The following PHKG2 variants were observed in gnomAD, a reference collection of about 807,000 sequenced individuals.
PHKG2 encodes the protein phosphorylase b kinase gamma catalytic chain, liver/testis isoform.
Under a neutral mutation model 44.5 loss-of-function variants are expected in PHKG2, and 28 were observed. The ratio of observed to expected loss-of-function variants is 0.63; its 90% confidence interval spans 0.47 to 0.86. The LOEUF is 0.86. Ranked by LOEUF, PHKG2 falls within the 40% of genes least tolerant of loss-of-function variation. The probability of loss-of-function intolerance (pLI) is 0.00; values close to 1 mark genes in which losing one functional copy is unlikely to be tolerated. For missense variants in PHKG2, 498 were observed against 547.5 expected (o/e 0.91, Z 0.90); for synonymous variants, 220 against 211.2 (o/e 1.04, Z -0.36).
Position 30,754,807 on chromosome 16 carries a change from T to C in PHKG2, c.556+1250T>C, listed in dbSNP as rs563322171. The C allele has an allele frequency of 1.1e-4, 51 of 452,786 alleles. 1 individual carries two copies. Among genetic ancestry groups the C allele is most frequent in the South Asian group, 7.8e-4 (50 of 64,442 alleles). The allele number at this position is 452,786 out of a possible 1,614,324, so 28.0% of individuals were successfully genotyped here. ...TCCAGGGCAGCTTAGGTCCCCTTGC[T>C]TTCTGTTCTCCCATCTTCTTCATTC... On this transcript the variant is annotated intron_variant, in intron 6 of 9. Transcript: ENST00000563588.
Position 30,757,654 on chromosome 16 carries a change from C to T in PHKG2, c.*557C>T, listed in dbSNP as rs1596692107. 6.2e-7 allele frequency: 1 copy of T among 1,609,054 alleles called. No individual in the cohort carries two copies. The highest frequency in any genetic ancestry group is 8.5e-7 in the Non-Finnish European group (1 of 1,176,646). On this transcript the variant is annotated 3_prime_UTR_variant, in exon 10 of 10. Transcript: ENST00000563588. The stretch of plus-strand genomic sequence containing the variant: ...GTAGGCTCGGAGGACGTGGATGTGG[C>T]CTGCAGGGGCAGGGAAGAAGGGGCA...
rs141832212 is a variant in PHKG2, at chr16:30,756,625, C to A, written c.837C>A (p.Arg279=). The change falls in exon 9 of 10, where the codon CGC becomes CGA. Residue 279 remains arginine (R), a synonymous_variant. Transcript: ENST00000563588. ...SRLLQVDPEA[R]LTAEQALQHP... is the part of the protein sequence containing the mutation. ...TGCTGCAGGTGGATCCTGAGGCACGCCTGACAGCTGAGCAGGCCCTACAGC... is the reference window on the plus strand; with the variant it reads ...TGCTGCAGGTGGATCCTGAGGCACGACTGACAGCTGAGCAGGCCCTACAGC... 1.9e-6 allele frequency: 3 copies of A among 1,614,030 alleles called. No homozygotes were observed. Among genetic ancestry groups the A allele is most frequent in the Middle Eastern group, 1.6e-4 (1 of 6,062 alleles).
At chr16:30,751,500 T>C in intron 3 of PHKG2, 49 bp from the exon 4 acceptor site, 2 of 1,534,832 alleles carry the variant, frequency 1.3e-6, no homozygotes, top group Non-Finnish European at 1.8e-6. Flanking sequence ...TTAATGTGCA[T>C]CCACTCCTTT....
chr16:30,755,202 A>G (rs1313821251), intron 6 of PHKG2: 1 of 249,666 alleles, frequency 4.0e-6, no homozygotes, highest in African/African-American at 2.2e-5. Context: ...TGATAGTGCC[A>G]CCACACTCCA....
At position 30,760,373 on chromosome 16, in the gene PHKG2, G is replaced by C; in HGVS notation, c.*3276G>C. 1.2e-6 allele frequency: 2 copies of C among 1,614,220 alleles called. No homozygotes were observed. The highest frequency in any genetic ancestry group is 2.2e-5 in the South Asian group (2 of 91,088). On this transcript the variant is annotated 3_prime_UTR_variant, in exon 10 of 10. Transcript: ENST00000563588. ...GCCCTGCTGGCGGCAGAAAATGAGCGCGTGGCAGAAGAGGTCCAGGGTGAT... is the reference window on the plus strand; with the variant it reads ...GCCCTGCTGGCGGCAGAAAATGAGCCCGTGGCAGAAGAGGTCCAGGGTGAT...
chr16:30,754,387 A>G (rs372576142), intron 6 of PHKG2, among the ~76,000 whole-genome samples: 2 of 152,178 alleles, frequency 1.3e-5, no homozygotes, highest in East Asian at 3.9e-4. Context: ...GCTGGTCTTG[A>G]ACTCCTGACC....
chr16:30,751,655 T>C (rs751425093), intron 4 of PHKG2, 52 bp downstream of exon 4: 5 of 1,433,148 alleles, frequency 3.5e-6, no homozygotes, highest in Admixed American at 1.7e-5. Flanking sequence ...CCTCCATGTA[T>C]GGCCCAGCAT....
Position 30,753,284 on chromosome 16 carries a change from G to GA in PHKG2, c.383dup (p.Glu129GlyfsTer35), listed in dbSNP as rs768238080. On this transcript the variant is annotated frameshift_variant, in exon 5 of 10. Transcript: ENST00000563588. LOFTEE classifies it high-confidence loss of function. ...TCTCACAGAGAAGGTGGCCCTCTCTGAAAAGGAAACCAGGTAAGGGTTGAG... is the reference window on the plus strand; with the variant it reads ...TCTCACAGAGAAGGTGGCCCTCTCTGAAAAAGGAAACCAGGTAAGGGTTGAG... 3 of 1,614,086 alleles carry GA rather than the reference G, an allele frequency of 1.9e-6. No individual in the cohort carries two copies. Among genetic ancestry groups the GA allele is most frequent in the Non-Finnish European group, 2.5e-6 (3 of 1,179,968 alleles).
At chr16:30,751,820 G>A (rs968471056) in intron 4 of PHKG2, 1 of 611,112 alleles carries the variant, frequency 1.6e-6, no homozygotes, top group Non-Finnish European at 3.0e-6. Flanking sequence ...GTGGCTGGGT[G>A]CAGTGGCTCA....
intron 6 of PHKG2, among the ~76,000 whole-genome samples, chr16:30,755,501 C>A (rs1329088965): frequency 6.6e-6 from 1 of 151,568 alleles, no homozygotes; most frequent in East Asian, 2.0e-4. Context: ...ACGGTGAAAG[C>A]CTGTCTCTAC....
In PHKG2 at chr16:30,759,023, T is replaced by C; in HGVS notation, c.*1926T>C. 6.2e-7 allele frequency: 1 copy of C among 1,614,242 alleles called. No homozygotes were observed. The highest frequency in any genetic ancestry group is 8.5e-7 in the Non-Finnish European group (1 of 1,180,040). ...CTCCAGATCCTCACTTGGCTCTGGC[T>C]CTGGTGGGGCCACTGTCTCTAGTTC... On this transcript the variant is annotated 3_prime_UTR_variant, in exon 10 of 10. Coordinates refer to ENST00000563588, the MANE Select transcript of PHKG2 (RefSeq NM_000294.3).
intron 4 of PHKG2, chr16:30,751,925 C>A (rs1429048365): frequency 2.9e-6 from 1 of 345,630 alleles, no homozygotes. Flanking sequence ...AACCCCATCT[C>A]TACTAAAAAT....
intron 6 of PHKG2, 112 bp from the exon 7 acceptor site, chr16:30,756,070 G>C (rs1254276454): frequency 3.5e-6 from 3 of 861,728 alleles, no homozygotes; most frequent in Non-Finnish European, 6.1e-6. Context: ...ACAGAAGGAA[G>C]ATGGGAACAC....
chr16:30,748,854 C>T lies in PHKG2; in HGVS notation c.34C>T (p.Pro12Ser). 6.4e-7 allele frequency: 1 copy of T among 1,553,670 alleles called. No individual in the cohort carries two copies. The highest frequency in any genetic ancestry group is 8.7e-7 in the Non-Finnish European group (1 of 1,148,114). ...TLDVGPEDELPDWAAAKEFYQ... is the reference protein window; with the variant it reads ...TLDVGPEDELSDWAAAKEFYQ... ...GGACGTGGGGCCGGAGGATGAGCTG[C>T]CCGACTGGGCCGCCGCCAAAGAGTT... is the stretch of plus-strand genomic sequence containing the variant. Residue 12 changes from proline to serine, a missense_variant, in exon 2 of 10, where the codon CCC (proline) becomes TCC (serine). Transcript: ENST00000563588.
In PHKG2 at chr16:30,760,054, T is replaced by C; in HGVS notation, c.*2957T>C. The C allele has an allele frequency of 2.6e-6, 4 of 1,526,730 alleles. No homozygotes were observed. The highest frequency in any genetic ancestry group is 3.5e-6 in the Non-Finnish European group (4 of 1,142,104). The allele number at this position is 1,526,730 out of a possible 1,614,324, so 94.6% of individuals were successfully genotyped here. A position where few individuals can be genotyped will look rare whatever the true frequency, so the allele number is the denominator to read the frequency against. On this transcript the variant is annotated 3_prime_UTR_variant, in exon 10 of 10. Transcript: ENST00000563588. Reference sequence around the variant, plus strand: ...AGCAGGTGTTATTGTGCACTATGCATATATTTGCATATATTATTTCTCAGA... The same window carrying C: ...AGCAGGTGTTATTGTGCACTATGCACATATTTGCATATATTATTTCTCAGA...
intron 6 of PHKG2, among the ~76,000 whole-genome samples, chr16:30,754,296 G>A (rs557271839): frequency 6.6e-6 from 1 of 151,996 alleles, no homozygotes; most frequent in Non-Finnish European, 1.5e-5. Context: ...CTCCCAAGTA[G>A]TTGGGATTAC....
chr16:30,757,656 T>A lies in PHKG2; in HGVS notation c.*559T>A. The A allele has an allele frequency of 6.2e-7, 1 of 1,609,278 alleles. No homozygotes were observed. Among genetic ancestry groups the A allele is most frequent in the Non-Finnish European group, 8.5e-7 (1 of 1,176,714 alleles). The stretch of plus-strand genomic sequence containing the variant: ...AGGCTCGGAGGACGTGGATGTGGCC[T>A]GCAGGGGCAGGGAAGAAGGGGCAGG... On this transcript the variant is annotated 3_prime_UTR_variant, in exon 10 of 10. Coordinates refer to ENST00000563588, the MANE Select transcript of PHKG2 (RefSeq NM_000294.3).
At position 30,756,696 on chromosome 16, in the gene PHKG2, C is replaced by T. The variant is rs755298493; in HGVS notation, c.908C>T (p.Thr303Ile). ...RCEGSQPWNL[T>I]PRQRFRVAVW... ...GAAGGCAGCCAACCCTGGAACCTCACCCCCCGCCAGCGGTTCCGGGTAAGC... is the reference window on the plus strand; with the variant it reads ...GAAGGCAGCCAACCCTGGAACCTCATCCCCCGCCAGCGGTTCCGGGTAAGC... Residue 303 changes from threonine (T) to isoleucine (I), a missense_variant, in exon 9 of 10, where the codon ACC becomes ATC. Transcript: ENST00000563588. The T allele has an allele frequency of 5.0e-6, 8 of 1,613,882 alleles. No homozygotes were observed. The South Asian group carries it at 6.6e-5, about 13-fold the overall frequency.
In PHKG2 at chr16:30,756,288, C is replaced by T. The variant is rs1038425201; in HGVS notation, c.647+16C>T. ...AGGTCGACCTGTGAGTTCCTGGTCT[C>T]CCCCTCCCTCCCGTGCTTGCTGTCC... is the stretch of plus-strand genomic sequence containing the variant. On this transcript the variant is annotated intron_variant, in intron 7 of 9. Coordinates refer to ENST00000563588, the MANE Select transcript of PHKG2 (RefSeq NM_000294.3). 24 of 1,613,838 alleles carry T rather than the reference C, an allele frequency of 1.5e-5. No individual in the cohort carries two copies. Among genetic ancestry groups the T allele is most frequent in the Non-Finnish European group, 1.9e-5 (23 of 1,179,698 alleles).
Sources: gnomAD v4.1 joint callset for allele counts (sites outside exome capture counted in the v4.1 genomes callset) on GRCh38, gnomAD v4.1.1 for gene constraint, MANE v1.5 for transcripts, NCBI Gene and HGNC (gene_info 2026-07-23, HGNC 2026-07-21) for gene names.